CRCP: variants seen among roughly 807,000 people sequenced by gnomAD.
CRCP encodes DNA-directed RNA polymerase III subunit RPC9.
In CRCP, 18 loss-of-function variants were observed where a neutral mutation model predicts 18.5. That is an observed-to-expected ratio of 0.97 (90% CI 0.67 to 1.44). The LOEUF (loss-of-function observed/expected upper bound fraction) is 1.44, where lower values mean the gene tolerates loss of function less well. CRCP is among the 40% of genes most tolerant of loss of function. The probability of loss-of-function intolerance (pLI) is 0.00; values close to 1 mark genes in which losing one functional copy is unlikely to be tolerated. For synonymous variants in CRCP, 53 were observed against 62.9 expected, an observed-to-expected ratio of 0.84 and a Z score of 0.75; for missense variants, 130 against 176.4, an observed-to-expected ratio of 0.74 and a Z score of 1.49.
intron 3 of CRCP, among the ~76,000 whole-genome samples, chr7:66,131,285 A>G (rs995061151): frequency 2.0e-5 from 3 of 151,884 alleles, no homozygotes; most frequent in Non-Finnish European, 2.9e-5. Context: ...ACTCTAACCT[A>G]ATTTTTATTC....
At chr7:66,120,263 T>A (rs1787398019) in intron 1 of CRCP, among the ~76,000 whole-genome samples, 1 of 152,322 alleles carries the variant, frequency 6.6e-6, no homozygotes, top group Non-Finnish European at 1.5e-5. Flanking sequence ...TCTAAGGATG[T>A]GGAACCTGAG....
At chr7:66,143,155 C>G (rs1221218579) in intron 4 of CRCP, among the ~76,000 whole-genome samples, 1 of 152,174 alleles carries the variant, frequency 6.6e-6, no homozygotes, top group Non-Finnish European at 1.5e-5. Flanking sequence ...GGAAGTGTTT[C>G]ACGTGTTTAG....
intron 1 of CRCP, among the ~76,000 whole-genome samples, chr7:66,115,206 C>T (rs564038387): frequency 2.5e-4 from 38 of 152,300 alleles, no homozygotes; most frequent in African/African-American, 8.4e-4. Flanking sequence ...CGAGCACTTC[C>T]GTGTCCGGCT....
At chr7:66,139,297 T>C (rs1788065138) in intron 4 of CRCP, among the ~76,000 whole-genome samples, 1 of 152,208 alleles carries the variant, frequency 6.6e-6, no homozygotes, top group African/African-American at 2.4e-5. Flanking sequence ...AATTTTTCAT[T>C]TCAGGTATTT....
intron 1 of CRCP, among the ~76,000 whole-genome samples, chr7:66,118,314 T>C (rs1216177925): frequency 6.6e-6 from 1 of 152,214 alleles, no homozygotes; most frequent in African/African-American, 2.4e-5. Flanking sequence ...CAAAGTTGCC[T>C]TTCGTCTTCA....
intron 1 of CRCP, among the ~76,000 whole-genome samples, chr7:66,115,573 A>G (rs747843327): frequency 6.6e-6 from 1 of 151,906 alleles, no homozygotes; most frequent in Non-Finnish European, 1.5e-5. Flanking sequence ...AGGGTAAAAG[A>G]TTTTCTGACA....
At chr7:66,127,569 C>G in intron 1 of CRCP, 135 bp from the exon 2 acceptor site, 2 of 930,310 alleles carry the variant, frequency 2.1e-6, no homozygotes, top group Non-Finnish European at 1.7e-6. Flanking sequence ...GGACATTTCT[C>G]AGTTTCAATT....
intron 4 of CRCP, among the ~76,000 whole-genome samples, chr7:66,140,914 C>T (rs757960721): frequency 6.6e-6 from 1 of 152,144 alleles, no homozygotes; most frequent in African/African-American, 2.4e-5. Flanking sequence ...CAAGCTGATT[C>T]GTGATTGGCC....
In CRCP at chr7:66,140,276, A is replaced by G. The variant is rs73376346; in HGVS notation, c.240-5167A>G. 2.6e-3 allele frequency among the ~76,000 whole-genome samples: 390 copies of G among 152,290 alleles called. 1 individual carries two copies. Among genetic ancestry groups the G allele is most frequent in the African/African-American group, 9.1e-3 (377 of 41,568 alleles). On this transcript the variant is annotated intron_variant, in intron 4 of 5. Transcript: ENST00000395326. ...AAAAAGCCCCAAGAAACTCACATCC[A>G]TCCTCCACCCCAAATGGTTCTCAGG...
intron 1 of CRCP, among the ~76,000 whole-genome samples, chr7:66,118,695 A>G (rs1334125993): frequency 6.6e-6 from 1 of 152,234 alleles, no homozygotes; most frequent in Non-Finnish European, 1.5e-5. Context: ...AATCATCTCT[A>G]GATGACTTAT....
chr7:66,131,512 T>C (rs2115938003), intron 3 of CRCP, among the ~76,000 whole-genome samples: 1 of 152,204 alleles, frequency 6.6e-6, no homozygotes. Flanking sequence ...TTTTTGTTGT[T>C]GTTGTCCAGG....
intron 1 of CRCP, among the ~76,000 whole-genome samples, chr7:66,122,814 A>T (rs528703387): frequency 6.6e-6 from 1 of 152,296 alleles, no homozygotes; most frequent in South Asian, 2.1e-4. Flanking sequence ...TGCAGATTGC[A>T]AACTTCTTGA....
chr7:66,124,693 T>C (rs1289364993), intron 1 of CRCP, among the ~76,000 whole-genome samples: 9 of 152,118 alleles, frequency 5.9e-5, no homozygotes, highest in Non-Finnish European at 8.8e-5. Context: ...CCCTTATTTC[T>C]TTTGCACAGG....
intron 2 of CRCP, among the ~76,000 whole-genome samples, chr7:66,129,151 G>A (rs1454061250): frequency 6.6e-6 from 1 of 152,044 alleles, no homozygotes; most frequent in Admixed American, 6.6e-5. Context: ...GGCTAACACG[G>A]TGAAACCCCG....
chr7:66,127,078 C>T (rs145211869), intron 1 of CRCP, among the ~76,000 whole-genome samples: 1 of 152,232 alleles, frequency 6.6e-6, no homozygotes, highest in African/African-American at 2.4e-5. Flanking sequence ...GAACCCAAAT[C>T]TGATTTCAAA....
At chr7:66,126,298 G>A (rs1787616497) in intron 1 of CRCP, among the ~76,000 whole-genome samples, 1 of 149,030 alleles carries the variant, frequency 6.7e-6, no homozygotes, top group Non-Finnish European at 1.5e-5. Context: ...TTGAAGTCTT[G>A]GGTCATCATT....
At position 66,152,412 on chromosome 7, in the gene CRCP, C is replaced by A. The variant is rs557466509; in HGVS notation, c.*55C>A. 6 of 1,595,502 alleles carry A rather than the reference C, an allele frequency of 3.8e-6. No individual in the cohort carries two copies. In the African/African-American group the frequency reaches 5.4e-5, roughly 14 times the overall value. On this transcript the variant is annotated 3_prime_UTR_variant, in exon 6 of 6. Transcript: ENST00000395326. ...AAGTCAGAAGGCCTGGCAGCCATTTCCTGGACGTTGAGAGGATTGTTTATT... is the reference window on the plus strand; with the variant it reads ...AAGTCAGAAGGCCTGGCAGCCATTTACTGGACGTTGAGAGGATTGTTTATT...
At chr7:66,145,852 C>T (rs1446123936) in intron 5 of CRCP, among the ~76,000 whole-genome samples, 2 of 152,198 alleles carry the variant, frequency 1.3e-5, no homozygotes, top group Non-Finnish European at 2.9e-5. Flanking sequence ...TTCTCTGTCC[C>T]CACGCCCACC....
At chr7:66,115,023 C>CGCTGAGA (rs1393787104) in intron 1 of CRCP, 53 bp downstream of exon 1, 26 of 1,589,288 alleles carry the variant, frequency 1.6e-5, no homozygotes, top group Non-Finnish European at 2.2e-5. Flanking sequence ...ACGGTTTGAC[C>CGCTGAGA]GCTGAGAGCT....
Sources: allele counts gnomAD v4.1 joint callset (sites outside exome capture counted in the v4.1 genomes callset), GRCh38; gene constraint gnomAD v4.1.1; transcripts MANE v1.5; gene names NCBI Gene and HGNC (gene_info 2026-07-23, HGNC 2026-07-21).